Variants in CGNL1 observed in about 807,000 individuals in gnomAD.
The protein encoded by CGNL1 is cingulin-like protein 1.
A neutral mutation model predicts 141.2 loss-of-function variants in CGNL1; 132 were observed. The ratio of observed to expected loss-of-function variants is 0.93; its 90% CI spans 0.81 to 1.08. The LOEUF is 1.08. Among genes scored for constraint, CGNL1 ranks in the 50% least tolerant of loss-of-function variants. The probability of loss-of-function intolerance (pLI) is 0.00; values close to 1 mark genes in which losing one functional copy is unlikely to be tolerated. For synonymous variants in CGNL1, 690 were observed against 622.1 expected, an observed-to-expected ratio of 1.11 and a Z score of -1.63; for missense variants, 1,870 against 1,588.6, an observed-to-expected ratio of 1.18 and a Z score of -3.01.
At chr15:57,469,773 A>G (rs34862034) in intron 8 of CGNL1, among the ~76,000 whole-genome samples, 28,372 of 152,168 alleles carry the variant, frequency 0.19, 3,070 homozygotes, top group South Asian at 0.29. Context: ...CAATTTGGAA[A>G]TGTCACTGAG....
intron 1 of CGNL1, among the ~76,000 whole-genome samples, chr15:57,384,270 C>A (rs1455379881): frequency 6.6e-6 from 1 of 152,076 alleles, no homozygotes; most frequent in African/African-American, 2.4e-5. Flanking sequence ...CAGACACTTT[C>A]CAGGAGACCT....
intron 8 of CGNL1, among the ~76,000 whole-genome samples, chr15:57,493,305 C>A (rs2063891866): frequency 1.3e-5 from 2 of 152,122 alleles, no homozygotes. Flanking sequence ...CTTCTTTTGA[C>A]AGGGTTACTA....
intron 8 of CGNL1, among the ~76,000 whole-genome samples, chr15:57,491,515 C>T (rs1436016219): frequency 6.6e-6 from 1 of 152,208 alleles, no homozygotes; most frequent in East Asian, 1.9e-4. Flanking sequence ...ACACAAGACG[C>T]ACTCACATGT....
intron 8 of CGNL1, among the ~76,000 whole-genome samples, chr15:57,481,690 A>T (rs1405501111): frequency 1.3e-5 from 2 of 151,948 alleles, no homozygotes; most frequent in African/African-American, 4.9e-5. Context: ...TTCTGGGATA[A>T]ATAGGAGTGT....
rs141101666 is a variant in CGNL1, at chr15:57,484,617, A to G, written c.2403+22725A>G. ...GAATGTGCAGGTTTGTTACATAGGT[A>G]TACATGTGCCATGGTGGTTTGCTGC... is the stretch of plus-strand genomic sequence containing the variant. On this transcript the variant is annotated intron_variant, in intron 8 of 18. Transcript: ENST00000281282. Among the ~76,000 whole-genome samples the G allele has an allele frequency of 7.6e-4, 115 of 152,282 alleles. 1 individual carries two copies. Among genetic ancestry groups the G allele is most frequent in the African/African-American group, 2.5e-3 (103 of 41,556 alleles).
intron 14 of CGNL1, among the ~76,000 whole-genome samples, chr15:57,535,057 G>T (rs1326025407): frequency 6.6e-6 from 1 of 152,152 alleles, no homozygotes; most frequent in Non-Finnish European, 1.5e-5. Flanking sequence ...GTTAGATCTG[G>T]CAAGGACCTC....
chr15:57,516,460 G>C (rs540573656), intron 8 of CGNL1, among the ~76,000 whole-genome samples: 1 of 152,294 alleles, frequency 6.6e-6, no homozygotes, highest in African/African-American at 2.4e-5. Context: ...AAGAGCCAGA[G>C]AGTCAACATT....
chr15:57,406,157 G>C (rs1053748327), intron 1 of CGNL1: 2 of 152,370 alleles, frequency 1.3e-5, no homozygotes, highest in African/African-American at 2.4e-5. Flanking sequence ...CTACCTGTTG[G>C]CAAAGCCTTT....
chr15:57,467,185 G>C (rs78713460), intron 8 of CGNL1, among the ~76,000 whole-genome samples: 211 of 152,302 alleles, frequency 1.4e-3, no homozygotes, highest in African/African-American at 4.7e-3. Context: ...CCAGGAGATT[G>C]AAGGGGAGAT....
intron 4 of CGNL1, among the ~76,000 whole-genome samples, chr15:57,447,640 G>A (rs1386347634): frequency 2.0e-5 from 3 of 151,996 alleles, no homozygotes; most frequent in Non-Finnish European, 2.9e-5. Flanking sequence ...ATGAGCTCTC[G>A]ACTTGATAGG....
In CGNL1 at chr15:57,547,796, C is replaced by T. The variant is rs2032946950; in HGVS notation, c.*306C>T. 9.5e-6 allele frequency: 3 copies of T among 314,674 alleles called. No individual in the cohort carries two copies. Among genetic ancestry groups the T allele is most frequent in the Middle Eastern group, 8.9e-4 (1 of 1,126 alleles). The allele number at this position is 314,674 out of a possible 1,614,324, so 19.5% of individuals were successfully genotyped here. A position where few individuals can be genotyped will look rare whatever the true frequency, so the allele number is the denominator to read the frequency against. ...CACAGCCACTATTTGCATTGCTGTC[C>T]CTGCCCCCTCATCACTCCCCCTGCC... On this transcript the variant is annotated 3_prime_UTR_variant, in exon 19 of 19. Transcript: ENST00000281282.
intron 4 of CGNL1, among the ~76,000 whole-genome samples, chr15:57,451,241 A>G (rs1433182139): frequency 6.6e-6 from 1 of 152,208 alleles, no homozygotes; most frequent in Non-Finnish European, 1.5e-5. Context: ...ACTAGTGTTG[A>G]TATACCTGAT....
chr15:57,539,967 C>T (rs1165406540), intron 14 of CGNL1, among the ~76,000 whole-genome samples: 3 of 152,202 alleles, frequency 2.0e-5, no homozygotes. Flanking sequence ...CTATTCAAAT[C>T]CGCAGGACTT....
chr15:57,540,823 C>T (rs541918307), intron 14 of CGNL1, among the ~76,000 whole-genome samples: 25 of 152,360 alleles, frequency 1.6e-4, no homozygotes, highest in Admixed American at 1.5e-3. Flanking sequence ...CACATCATGT[C>T]GTTTGAACAG....
intron 8 of CGNL1, among the ~76,000 whole-genome samples, chr15:57,462,857 G>A (rs1183236621): frequency 1.3e-5 from 2 of 152,168 alleles, no homozygotes; most frequent in Non-Finnish European, 2.9e-5. Context: ...AAAGCCTCTT[G>A]TTGATTTCCC....
At position 57,439,131 on chromosome 15, in the gene CGNL1, A is replaced by G; in HGVS notation, c.1132A>G (p.Ile378Val). The change falls in exon 2 of 19, where the codon ATT (isoleucine) becomes GTT (valine). Residue 378 changes from isoleucine (I) to valine (V), a missense_variant. Ile to Val is a conservative substitution (Grantham distance 29). Coordinates refer to ENST00000281282, the MANE Select transcript of CGNL1 (RefSeq NM_032866.5). ...RRGRSGKRNR[I>V]NTDDRKRSRS... ...AGGAAGGTCTGGGAAGCGAAACAGA[A>G]TTAATACAGATGACAGGAAAAGATC... 6.2e-7 allele frequency: 1 copy of G among 1,614,204 alleles called. No homozygotes were observed. The highest frequency in any genetic ancestry group is 8.5e-7 in the Non-Finnish European group (1 of 1,180,038).
At chr15:57,437,295 GAAGAA>G (rs1252544074) in intron 1 of CGNL1, among the ~76,000 whole-genome samples, 7 of 152,026 alleles carry the variant, frequency 4.6e-5, no homozygotes, top group Non-Finnish European at 8.8e-5. Flanking sequence ...TTTTTGCTAA[GAAGAA>G]AAGATTGAAA....
At chr15:57,408,575 T>A (rs2062749532) in intron 1 of CGNL1, among the ~76,000 whole-genome samples, 1 of 152,164 alleles carries the variant, frequency 6.6e-6, no homozygotes. Flanking sequence ...TCTCCCTTTG[T>A]TGCCCAGGCT....
At chr15:57,524,533 G>A (rs1483421599) in intron 11 of CGNL1, 48 bp from the exon 12 acceptor site, 4 of 1,552,806 alleles carry the variant, frequency 2.6e-6, no homozygotes, top group South Asian at 1.2e-5. Flanking sequence ...CCAGACCCTG[G>A]TCTCAGAGCA....
Sources: gnomAD v4.1 joint callset for allele counts (sites outside exome capture counted in the v4.1 genomes callset) on GRCh38, gnomAD v4.1.1 for gene constraint, MANE v1.5 for transcripts, NCBI Gene and HGNC (gene_info 2026-07-23, HGNC 2026-07-21) for gene names.